Variants in DISP3 observed in about 807,000 individuals in gnomAD.
DISP3 encodes protein dispatched homolog 3.
Under a neutral mutation model 135.3 loss-of-function variants are expected in DISP3, and 101 were observed. The observed-to-expected ratio is 0.75, with a 90% CI of 0.64 to 0.88. The LOEUF (loss-of-function observed/expected upper bound fraction) is 0.88. Ranked by LOEUF, DISP3 falls within the 40% of genes least tolerant of loss-of-function variation. DISP3 has a pLI of 0.00. For missense variants in DISP3, 1,713 were observed against 1,878.6 expected, an observed-to-expected ratio of 0.91 and a Z score of 1.63; for synonymous variants, 856 against 817.0, an observed-to-expected ratio of 1.05 and a Z score of -0.81.
Position 11,536,618 on chromosome 1 carries a change from C to T in DISP3, c.4111C>T (p.Leu1371=), listed in dbSNP as rs774516393. 1.2e-6 allele frequency: 2 copies of T among 1,608,540 alleles called. No homozygotes were observed. The highest frequency in any genetic ancestry group is 1.7e-6 in the Non-Finnish European group (2 of 1,178,668). ...CGTGCTGCTGGCAGGGGCCCTGGGG[C>T]TGGGTGCCTGCCTCGTGCTCCTGCA... is the stretch of plus-strand genomic sequence containing the variant. ...GAVLLAGALG[L]GACLVLLQSG... is the part of the protein sequence containing the mutation. Residue 1371 remains leucine, a synonymous_variant, in exon 21 of 21, where the codon CTG becomes TTG. Transcript: ENST00000294484. This position sits in a 1 kb window ranked among gnomAD's most constrained non-coding sequence, Gnocchi z 4.3.
chr1:11,484,485 G>C (rs1031657914), intron 1 of DISP3, among the ~76,000 whole-genome samples: 1 of 152,216 alleles, frequency 6.6e-6, no homozygotes, highest in African/African-American at 2.4e-5. Flanking sequence ...AACCTGGAAG[G>C]AAGAACCCGG....
intron 3 of DISP3, among the ~76,000 whole-genome samples, chr1:11,508,972 ACTTT>A (rs1258763770): frequency 1.1e-4 from 17 of 152,138 alleles, no homozygotes; most frequent in African/African-American, 4.1e-4. Context: ...CTCTTGTACT[ACTTT>A]CTTAAAGTAG....
At chr1:11,495,782 G>A (rs1355388838) in intron 1 of DISP3, among the ~76,000 whole-genome samples, 1 of 152,146 alleles carries the variant, frequency 6.6e-6, no homozygotes, top group African/African-American at 2.4e-5. Context: ...CCCTGTCCAA[G>A]GTCCTTCTGC....
chr1:11,513,099 A>G (rs1396838969), intron 3 of DISP3, among the ~76,000 whole-genome samples: 1 of 152,126 alleles, frequency 6.6e-6, no homozygotes, highest in Admixed American at 6.5e-5. Flanking sequence ...GGACACAGCC[A>G]AAGCCTATCA....
At position 11,500,697 on chromosome 1, in the gene DISP3, C is replaced by A. The variant is rs1044759794; in HGVS notation, c.-3-293C>A. 1.3e-5 allele frequency among the ~76,000 whole-genome samples: 2 copies of A among 152,116 alleles called. 1 individual carries two copies. Among genetic ancestry groups the A allele is most frequent in the South Asian group, 4.1e-4 (2 of 4,824 alleles). On this transcript the variant is annotated intron_variant, in intron 1 of 20. Coordinates refer to ENST00000294484, the MANE Select transcript of DISP3 (RefSeq NM_020780.2). The stretch of plus-strand genomic sequence containing the variant: ...GATTTTTTTTTTAAATCCCTCACCC[C>A]AGGAGAAACATCTTTTCTGTTTGCA...
intron 1 of DISP3, among the ~76,000 whole-genome samples, chr1:11,497,447 G>T (rs1283348805): frequency 6.6e-6 from 1 of 151,946 alleles, no homozygotes; most frequent in Non-Finnish European, 1.5e-5. Flanking sequence ...GGAGTGCAGT[G>T]GTGCGATCTG....
chr1:11,514,758 T>C (rs1050988994), intron 4 of DISP3, among the ~76,000 whole-genome samples: 3 of 152,248 alleles, frequency 2.0e-5, no homozygotes, highest in Admixed American at 6.5e-5. Flanking sequence ...CCCTGCACAG[T>C]TGGACCTTTT....
chr1:11,532,146 T>C (rs2100514981), intron 17 of DISP3, among the ~76,000 whole-genome samples: 1 of 152,340 alleles, frequency 6.6e-6, no homozygotes, highest in African/African-American at 2.4e-5. Context: ...CTGTCACCTC[T>C]GGACGCTCGC....
At chr1:11,493,247 G>A (rs887127021) in intron 1 of DISP3, among the ~76,000 whole-genome samples, 1 of 152,208 alleles carries the variant, frequency 6.6e-6, no homozygotes, top group African/African-American at 2.4e-5. Flanking sequence ...GCAGGCTGAA[G>A]ACCCAAGAAG....
In DISP3 at chr1:11,529,424, C is replaced by T. The variant is rs1055826283; in HGVS notation, c.2799-132C>T. The T allele has an allele frequency of 3.6e-6, 4 of 1,117,428 alleles. No homozygotes were observed. The highest frequency in any genetic ancestry group is 5.1e-6 in the Non-Finnish European group (4 of 785,272). The allele number at this position is 1,117,428 out of a possible 1,614,324, so 69.2% of individuals were successfully genotyped here. A position where few individuals can be genotyped will look rare whatever the true frequency, so the allele number is the denominator to read the frequency against. On this transcript the variant is annotated intron_variant, in intron 13 of 20. Transcript: ENST00000294484. This position sits in a 1 kb window ranked among gnomAD's most constrained non-coding sequence, Gnocchi z 4.7. ...AGCCCTCAACCTGAGAACAAATCCC[C>T]ATGCCGGGGCAGAGCCCGAGTCCAG... is the stretch of plus-strand genomic sequence containing the variant.
chr1:11,503,236 A>G (rs530736707), intron 3 of DISP3, among the ~76,000 whole-genome samples: 48 of 152,298 alleles, frequency 3.2e-4, no homozygotes, highest in Middle Eastern at 3.4e-3. Context: ...TCCTCACTGT[A>G]TTAGTCAGGG....
At chr1:11,523,855 C>A in intron 10 of DISP3, 87 bp from the exon 11 acceptor site, 1 of 1,089,528 alleles carries the variant, frequency 9.2e-7, no homozygotes, top group Non-Finnish European at 1.3e-6. Context: ...GAGACTGTCT[C>A]AGATCCCAGC....
chr1:11,536,237 C>G lies in DISP3; in HGVS notation c.3817-87C>G. 1 of 1,491,384 alleles carries G rather than the reference C, an allele frequency of 6.7e-7. No individual in the cohort carries two copies. Among genetic ancestry groups the G allele is most frequent in the Non-Finnish European group, 8.9e-7 (1 of 1,125,334 alleles). 92.4% of individuals were successfully genotyped at this position (1,491,384 alleles called of 1,614,324 possible). On this transcript the variant is annotated intron_variant, in intron 20 of 20. Transcript: ENST00000294484. The surrounding 1 kb of genome is among the most constrained non-coding windows in gnomAD (Gnocchi z 4.3). ...TCCCAGTAACAGAGCAGGAACCTGG[C>G]GTGGGGTGGGGGTGCGTGATTCCCC...
chr1:11,485,350 C>T lies in DISP3; in HGVS notation c.-4+5978C>T, dbSNP rs1444449980. On this transcript the variant is annotated intron_variant, in intron 1 of 20. Transcript: ENST00000294484. ...AGGAGGGTGCAGTGGAGAAGGCTCA[C>T]TCCGCCCAGCCATCTGCTCGGGGCA... 3.9e-5 allele frequency among the ~76,000 whole-genome samples: 6 copies of T among 152,220 alleles called. No individual in the cohort carries two copies. The East Asian group carries it at 7.7e-4, about 20-fold the overall frequency.
chr1:11,483,071 G>T lies in DISP3; in HGVS notation c.-4+3699G>T, dbSNP rs917349737. ...ACGCTGCAGCTGCCCAACAAAGGCC[G>T]GAGGCATGGATGCTGCGGGACCAGT... On this transcript the variant is annotated intron_variant, in intron 1 of 20. Transcript: ENST00000294484. This position sits in a 1 kb window ranked among gnomAD's most constrained non-coding sequence, Gnocchi z 5.4. Among the ~76,000 whole-genome samples, 2 of 152,242 alleles carry T rather than the reference G, an allele frequency of 1.3e-5. No homozygotes were observed. The highest frequency in any genetic ancestry group is 4.8e-5 in the African/African-American group (2 of 41,466).
In DISP3 at chr1:11,523,932, T is replaced by TG. The variant is rs775864003; in HGVS notation, c.2363-4dup. 4.4e-6 allele frequency: 7 copies of TG among 1,607,434 alleles called. No individual in the cohort carries two copies. The highest frequency in any genetic ancestry group is 3.3e-5 in the South Asian group (3 of 90,868). On this transcript the variant is annotated splice_polypyrimidine_tract_variant and intron_variant, in intron 10 of 20. Coordinates refer to ENST00000294484, the MANE Select transcript of DISP3 (RefSeq NM_020780.2). The stretch of plus-strand genomic sequence containing the variant: ...TGTCCTGCTGTCCTTGACATGGCGC[T>TG]GGGGGGCAGGTCTGTTCCAGGAGAA...
intron 19 of DISP3, 61 bp downstream of exon 19, chr1:11,535,185 CG>C: frequency 6.8e-7 from 1 of 1,479,450 alleles, no homozygotes; most frequent in South Asian, 1.2e-5. Flanking sequence ...ACAGTCTCCC[CG>C]GTGGCCCCAG....
intron 3 of DISP3, among the ~76,000 whole-genome samples, chr1:11,505,149 T>C (rs1257765270): frequency 6.6e-6 from 1 of 152,278 alleles, no homozygotes; most frequent in East Asian, 1.9e-4. Flanking sequence ...GCTCAAGTTC[T>C]GTCCCAGACC....
In DISP3 at chr1:11,512,194, A is replaced by C. The variant is rs369546409; in HGVS notation, c.1317-2196A>C. 1.3e-3 allele frequency among the ~76,000 whole-genome samples: 192 copies of C among 152,338 alleles called. 4 individuals carry two copies. In the South Asian group the frequency reaches 0.033, roughly 26 times the overall value. ...AATCCCCATGGTCTTGGGGATTAAC[A>C]TTAGGCTCCTTGCTACTTATGCAAA... On this transcript the variant is annotated intron_variant, in intron 3 of 20. Transcript: ENST00000294484.
Sources: allele counts gnomAD v4.1 joint callset (sites outside exome capture counted in the v4.1 genomes callset), GRCh38; gene constraint gnomAD v4.1.1; non-coding constraint Gnocchi (gnomAD v3.1); transcripts MANE v1.5; gene names NCBI Gene and HGNC (gene_info 2026-07-23, HGNC 2026-07-21).